Variants in CDH9 observed in about 807,000 individuals in gnomAD.
CDH9 encodes the protein cadherin-9.
In CDH9, 28 loss-of-function variants were observed where a neutral mutation model predicts 70.9. The observed-to-expected ratio is 0.40, with a 90% CI of 0.29 to 0.54. The LOEUF (loss-of-function observed/expected upper bound fraction) is 0.54. Ranked by LOEUF, CDH9 falls within the 20% of genes least tolerant of loss-of-function variation. The pLI is 0.59. For synonymous variants in CDH9, 409 were observed against 343.1 expected (o/e 1.19, Z -2.12); for missense variants, 874 against 984.4 (o/e 0.89, Z 1.50).
At chr5:26,903,541 G>A (rs779436213) in intron 6 of CDH9, 96 bp downstream of exon 6, 2 of 832,964 alleles carry the variant, frequency 2.4e-6, no homozygotes, top group African/African-American at 3.3e-5. Flanking sequence ...TGTAAAAGAT[G>A]GGGGAAAATA....
chr5:26,961,264 C>T (rs1368162076), intron 2 of CDH9, among the ~76,000 whole-genome samples: 2 of 152,048 alleles, frequency 1.3e-5, no homozygotes, highest in African/African-American at 4.8e-5. Context: ...GTGAAGAAAA[C>T]ACTCAGAATC....
chr5:27,019,341 T>A (rs1743097775), intron 1 of CDH9, among the ~76,000 whole-genome samples: 1 of 152,044 alleles, frequency 6.6e-6, no homozygotes, highest in African/African-American at 2.4e-5. Flanking sequence ...GGATGTTTTT[T>A]AAAATTTGAT....
intron 2 of CDH9, among the ~76,000 whole-genome samples, chr5:26,972,281 T>G (rs945460141): frequency 3.9e-5 from 6 of 152,254 alleles, no homozygotes; most frequent in African/African-American, 1.4e-4. Flanking sequence ...GCAACTAATA[T>G]GCAACCGTAT....
intron 3 of CDH9, among the ~76,000 whole-genome samples, chr5:26,911,199 A>G (rs2111999629): frequency 6.6e-6 from 1 of 152,224 alleles, no homozygotes; most frequent in Admixed American, 6.5e-5. Flanking sequence ...TTATTACTTA[A>G]TCCTCATGAT....
chr5:26,945,182 C>T lies in CDH9; in HGVS notation c.229-29258G>A, dbSNP rs922284448. ...ATTGTCCTCTTAAACCCGAATTACCCTTCTGTTATTTATGTTTCCTTGCTT... is the reference window on the plus strand; with the variant it reads ...ATTGTCCTCTTAAACCCGAATTACCTTTCTGTTATTTATGTTTCCTTGCTT... On this transcript the variant is annotated intron_variant, in intron 2 of 11. Coordinates refer to ENST00000231021, the MANE Select transcript of CDH9 (RefSeq NM_016279.4). Among the ~76,000 whole-genome samples the T allele has an allele frequency of 2.6e-5, 4 of 151,348 alleles. No homozygotes were observed. The South Asian group carries it at 8.3e-4, about 32-fold the overall frequency.
chr5:26,951,786 G>A (rs1035639364), intron 2 of CDH9, among the ~76,000 whole-genome samples: 9 of 151,984 alleles, frequency 5.9e-5, no homozygotes, highest in African/African-American at 1.7e-4. Flanking sequence ...TTGTCTTAGC[G>A]TAGAAGGAAA....
At chr5:26,991,778 T>G (rs1328654118) in intron 1 of CDH9, among the ~76,000 whole-genome samples, 1 of 152,178 alleles carries the variant, frequency 6.6e-6, no homozygotes, top group African/African-American at 2.4e-5. Flanking sequence ...ACTAGGTGGA[T>G]GACTGAGTGA....
chr5:27,017,651 GTCA>G (rs1428521761), intron 1 of CDH9, among the ~76,000 whole-genome samples: 1 of 151,550 alleles, frequency 6.6e-6, no homozygotes, highest in East Asian at 1.9e-4. Context: ...TATTTATTTC[GTCA>G]TCAAGTTTCA....
intron 2 of CDH9, among the ~76,000 whole-genome samples, chr5:26,981,545 T>C (rs1388654799): frequency 6.6e-6 from 1 of 152,062 alleles, no homozygotes; most frequent in Non-Finnish European, 1.5e-5. Context: ...GAGCCAACTG[T>C]ACTAAAAATA....
intron 2 of CDH9, among the ~76,000 whole-genome samples, chr5:26,939,482 T>A (rs1741621764): frequency 6.6e-6 from 1 of 151,622 alleles, no homozygotes. Context: ...ATATACTGTC[T>A]CTACTGTTAA....
At chr5:26,964,502 C>CT (rs1367997491) in intron 2 of CDH9, among the ~76,000 whole-genome samples, 1 of 152,114 alleles carries the variant, frequency 6.6e-6, no homozygotes, top group Non-Finnish European at 1.5e-5. Context: ...ACTCAACCAA[C>CT]CAATGAACCA....
intron 2 of CDH9, among the ~76,000 whole-genome samples, chr5:26,933,465 C>T (rs1741500568): frequency 6.6e-6 from 1 of 151,436 alleles, no homozygotes; most frequent in Non-Finnish European, 1.5e-5. Flanking sequence ...ATGGATAAAA[C>T]TCTAGCCAGG....
intron 2 of CDH9, among the ~76,000 whole-genome samples, chr5:26,919,033 C>T (rs1250737692): frequency 6.6e-6 from 1 of 152,052 alleles, no homozygotes; most frequent in African/African-American, 2.4e-5. Flanking sequence ...CAAGTTCAAG[C>T]CTACAGTGAA....
At chr5:27,018,652 G>T (rs2112122792) in intron 1 of CDH9, among the ~76,000 whole-genome samples, 1 of 151,868 alleles carries the variant, frequency 6.6e-6, no homozygotes, top group East Asian at 2.0e-4. Flanking sequence ...TTTAATGTTG[G>T]TACCTCTGGG....
chr5:26,895,176 C>G (rs535616671), intron 7 of CDH9, among the ~76,000 whole-genome samples: 1 of 151,974 alleles, frequency 6.6e-6, no homozygotes, highest in South Asian at 2.1e-4. Context: ...TTGCTTTTTA[C>G]TTTTCAGCTA....
intron 7 of CDH9, among the ~76,000 whole-genome samples, chr5:26,901,503 G>C (rs1028111057): frequency 1.3e-5 from 2 of 151,640 alleles, no homozygotes; most frequent in Non-Finnish European, 2.9e-5. Flanking sequence ...AAAATTAAAT[G>C]GTTATATATT....
intron 2 of CDH9, among the ~76,000 whole-genome samples, chr5:26,936,968 C>T (rs1048060507): frequency 2.6e-5 from 4 of 151,986 alleles, no homozygotes; most frequent in Non-Finnish European, 4.4e-5. Flanking sequence ...GTATGTCACT[C>T]GGGTTTGAAA....
At chr5:26,993,818 T>G (rs532686611) in intron 1 of CDH9, among the ~76,000 whole-genome samples, 1 of 151,450 alleles carries the variant, frequency 6.6e-6, no homozygotes, top group South Asian at 2.1e-4. Context: ...ACTTTCAACA[T>G]GCCAGATAGT....
Position 27,012,027 on chromosome 5 carries a change from G to A in CDH9, c.-49-23645C>T, listed in dbSNP as rs188851817. 1.4e-3 allele frequency among the ~76,000 whole-genome samples: 219 copies of A among 151,884 alleles called. 1 individual carries two copies. The highest frequency in any genetic ancestry group is 6.9e-3 in the South Asian group (33 of 4,812). On this transcript the variant is annotated intron_variant, in intron 1 of 11. Coordinates refer to ENST00000231021, the MANE Select transcript of CDH9 (RefSeq NM_016279.4). ...ACACTATGATTCCAAAACAGAATAG[G>A]GACTTTTCAAATCTATATACAATCT...
Sources: gnomAD v4.1 joint callset for allele counts (sites outside exome capture counted in the v4.1 genomes callset) on GRCh38, gnomAD v4.1.1 for gene constraint, MANE v1.5 for transcripts, NCBI Gene and HGNC (gene_info 2026-07-23, HGNC 2026-07-21) for gene names.